The following ITGB6 variants were observed in gnomAD, a reference collection of about 807,000 sequenced individuals.
The protein encoded by ITGB6 is integrin beta-6.
A neutral mutation model predicts 84.5 loss-of-function variants in ITGB6; 80 were observed. The ratio of observed to expected loss-of-function variants is 0.95; its 90% CI spans 0.79 to 1.14. ITGB6 has a LOEUF of 1.14. Ranked by LOEUF, ITGB6 falls within the 50% of genes most tolerant of loss-of-function variation. The pLI is 0.00. For missense variants in ITGB6, 1,006 were observed against 968.0 expected, an observed-to-expected ratio of 1.04 and a Z score of -0.52; for synonymous variants, 383 against 354.9, an observed-to-expected ratio of 1.08 and a Z score of -0.89.
At chr2:160,183,720 A>T (rs1305142672) in intron 4 of ITGB6, among the ~76,000 whole-genome samples, 1 of 152,210 alleles carries the variant, frequency 6.6e-6, no homozygotes, top group Non-Finnish European at 1.5e-5. Context: ...CTTATTCTAA[A>T]ATTGACCACA....
intron 7 of ITGB6, among the ~76,000 whole-genome samples, 161 bp from the exon 8 acceptor site, chr2:160,142,232 T>C (rs1156873891): frequency 6.6e-6 from 1 of 152,186 alleles, no homozygotes; most frequent in Non-Finnish European, 1.5e-5. Flanking sequence ...AGCCTTTACT[T>C]TGTGCTGCTT....
intron 10 of ITGB6, among the ~76,000 whole-genome samples, chr2:160,129,113 C>T (rs749574629): frequency 1.2e-4 from 18 of 152,012 alleles, no homozygotes; most frequent in African/African-American, 2.7e-4. Flanking sequence ...AGTGATATTG[C>T]AGAGGCCTGA....
intron 7 of ITGB6, among the ~76,000 whole-genome samples, chr2:160,156,440 C>A (rs1291277469): frequency 6.6e-6 from 1 of 152,128 alleles, no homozygotes; most frequent in Non-Finnish European, 1.5e-5. Flanking sequence ...CTCTGAAACC[C>A]AAGGCTCTCG....
Position 160,172,752 on chromosome 2 carries a change from T to C in ITGB6, c.760-22A>G, listed in dbSNP as rs558877330. The C allele has an allele frequency of 1.7e-5, 27 of 1,577,756 alleles. No homozygotes were observed. The South Asian group carries it at 2.8e-4, about 16-fold the overall frequency. ...TTTCCTACAGTGAGAAAGAAACATTTGTGTGATATTGGAGGGAGGCAGGCA... is the reference window on the plus strand; with the variant it reads ...TTTCCTACAGTGAGAAAGAAACATTCGTGTGATATTGGAGGGAGGCAGGCA... On this transcript the variant is annotated intron_variant, in intron 5 of 14. Transcript: ENST00000283249.
intron 6 of ITGB6, among the ~76,000 whole-genome samples, chr2:160,172,322 G>A (rs2105867969): frequency 6.6e-6 from 1 of 152,314 alleles, no homozygotes; most frequent in Non-Finnish European, 1.5e-5. Flanking sequence ...TTTTTGAGAA[G>A]TTGGGGAGGT....
chr2:160,181,132 A>G (rs1362539865), intron 4 of ITGB6, among the ~76,000 whole-genome samples: 1 of 152,000 alleles, frequency 6.6e-6, no homozygotes, highest in Non-Finnish European at 1.5e-5. Flanking sequence ...AATTCCAGCG[A>G]GACAGAACCG....
chr2:160,128,624 T>G (rs1455783819), intron 10 of ITGB6, among the ~76,000 whole-genome samples: 1 of 152,050 alleles, frequency 6.6e-6, no homozygotes, highest in African/African-American at 2.4e-5. Context: ...AATGGAATGC[T>G]CAGGGTGTGG....
chr2:160,104,262 C>T (rs1251036337), intron 14 of ITGB6, among the ~76,000 whole-genome samples: 2 of 152,152 alleles, frequency 1.3e-5, no homozygotes, highest in Admixed American at 6.6e-5. Context: ...TTCCTGGCCT[C>T]AGCTGAAGAT....
At position 160,122,375 on chromosome 2, in the gene ITGB6, G is replaced by A. The variant is rs35564539; in HGVS notation, c.1981+1416C>T. Among the ~76,000 whole-genome samples the A allele has an allele frequency of 4.6e-3, 693 of 152,218 alleles. 3 individuals carry two copies. Among genetic ancestry groups the A allele is most frequent in the Middle Eastern group, 0.034 (10 of 294 alleles). On this transcript the variant is annotated intron_variant, in intron 12 of 14. Coordinates refer to ENST00000283249, the MANE Select transcript of ITGB6 (RefSeq NM_000888.5). ...GCCATTATGATTTGCATGTATGTAA[G>A]GTTTACTCCTTTTTTTCCTCAACAC...
intron 6 of ITGB6, among the ~76,000 whole-genome samples, chr2:160,171,502 AT>A (rs1380568807): frequency 4.0e-5 from 6 of 151,644 alleles, no homozygotes; most frequent in African/African-American, 1.5e-4. Flanking sequence ...GCCCGGCTAA[AT>A]TTTTGTATTT....
intron 7 of ITGB6, among the ~76,000 whole-genome samples, chr2:160,154,205 T>C (rs570259327): frequency 6.6e-6 from 1 of 152,292 alleles, no homozygotes; most frequent in Non-Finnish European, 1.5e-5. Flanking sequence ...AATGATAGAC[T>C]GGATTAAGAA....
intron 14 of ITGB6, among the ~76,000 whole-genome samples, chr2:160,105,549 C>A (rs1461951537): frequency 6.6e-6 from 1 of 152,136 alleles, no homozygotes; most frequent in African/African-American, 2.4e-5. Context: ...CTTAGAAGAA[C>A]AATGAACAAT....
At chr2:160,150,156 C>T (rs1215512120) in intron 7 of ITGB6, among the ~76,000 whole-genome samples, 2 of 152,162 alleles carry the variant, frequency 1.3e-5, no homozygotes, top group Non-Finnish European at 2.9e-5. Context: ...ACATAATTGT[C>T]AGATTCACCA....
intron 13 of ITGB6, among the ~76,000 whole-genome samples, chr2:160,110,588 G>T (rs1307930924): frequency 2.0e-5 from 3 of 152,114 alleles, no homozygotes; most frequent in Non-Finnish European, 4.4e-5. Context: ...TTATGCTCTG[G>T]AAGTCCCTCC....
intron 4 of ITGB6, among the ~76,000 whole-genome samples, chr2:160,184,238 T>A (rs1685804841): frequency 6.6e-6 from 1 of 151,898 alleles, no homozygotes; most frequent in Non-Finnish European, 1.5e-5. Context: ...CTAGCCAGAA[T>A]AATAAAGAAG....
At chr2:160,115,817 A>G (rs1289746471) in intron 12 of ITGB6, among the ~76,000 whole-genome samples, 1 of 152,246 alleles carries the variant, frequency 6.6e-6, no homozygotes, top group African/African-American at 2.4e-5. Context: ...AAGTCCTTAA[A>G]GGAGCTGATG....
chr2:160,112,783 T>C (rs1682588269), intron 12 of ITGB6, among the ~76,000 whole-genome samples: 1 of 151,180 alleles, frequency 6.6e-6, no homozygotes, highest in African/African-American at 2.4e-5. Context: ...TCAGTAGAGC[T>C]CCTTTCTTAA....
chr2:160,106,802 C>T (rs1332838426), intron 14 of ITGB6, among the ~76,000 whole-genome samples: 1 of 152,134 alleles, frequency 6.6e-6, no homozygotes, highest in Non-Finnish European at 1.5e-5. Context: ...GAAGGCATTG[C>T]TATAAAAATT....
chr2:160,138,286 T>A lies in ITGB6; in HGVS notation c.1108-87A>T, dbSNP rs1410734472. The A allele has an allele frequency of 5.4e-6, 7 of 1,304,878 alleles. No individual in the cohort carries two copies. In the East Asian group the frequency reaches 1.2e-4, roughly 23 times the overall value. The allele number at this position is 1,304,878 out of a possible 1,614,324, so 80.8% of individuals were successfully genotyped here. ...AAACCGTGAATCATGTTCATTGAAC[T>A]ACAAATAAATAAAACTAAATTGGGT... is the stretch of plus-strand genomic sequence containing the variant. On this transcript the variant is annotated intron_variant, in intron 8 of 14. Transcript: ENST00000283249.
Sources: allele counts gnomAD v4.1 joint callset (sites outside exome capture counted in the v4.1 genomes callset), GRCh38; gene constraint gnomAD v4.1.1; transcripts MANE v1.5; gene names NCBI Gene and HGNC (gene_info 2026-07-23, HGNC 2026-07-21).